The following CLSTN1 variants were observed in gnomAD, a reference collection of about 807,000 sequenced individuals.
The protein encoded by CLSTN1 is calsyntenin 1.
In CLSTN1, 28 loss-of-function variants were observed where a neutral mutation model predicts 108.3. That is an observed-to-expected ratio of 0.26 (90% CI 0.19 to 0.35). The LOEUF is 0.35. Ranked by LOEUF, CLSTN1 falls within the 10% of genes least tolerant of loss-of-function variation. The probability of loss-of-function intolerance (pLI) is 1.00; values close to 1 mark genes in which losing one functional copy is unlikely to be tolerated. For missense variants in CLSTN1, 1,157 were observed against 1,302.6 expected, an observed-to-expected ratio of 0.89 and a Z score of 1.72; for synonymous variants, 524 against 534.9, an observed-to-expected ratio of 0.98 and a Z score of 0.28.
rs992221014 is a variant in CLSTN1, at chr1:9,803,459, T to A, written c.91+20184A>T. Among the ~76,000 whole-genome samples, 6 of 152,184 alleles carry A rather than the reference T, an allele frequency of 3.9e-5. 1 individual carries two copies. Among genetic ancestry groups the A allele is most frequent in the Non-Finnish European group, 8.8e-5 (6 of 68,028 alleles). On this transcript the variant is annotated intron_variant, in intron 1 of 18. Coordinates refer to ENST00000377298, the MANE Select transcript of CLSTN1 (RefSeq NM_001009566.3). Reference sequence around the variant, plus strand: ...TGAGAAAAGCTGAAAAGATTTTTCATAAAAATAAAGCAAACAGTAGCACAA... The same window carrying A: ...TGAGAAAAGCTGAAAAGATTTTTCAAAAAAATAAAGCAAACAGTAGCACAA...
intron 1 of CLSTN1, among the ~76,000 whole-genome samples, chr1:9,784,706 T>C (rs1436806870): frequency 1.3e-5 from 2 of 152,226 alleles, no homozygotes; most frequent in Non-Finnish European, 2.9e-5. Context: ...CATAAGAACC[T>C]GCAATTAAGG....
At chr1:9,777,479 C>T (rs536807779) in intron 1 of CLSTN1, among the ~76,000 whole-genome samples, 62 of 146,332 alleles carry the variant, frequency 4.2e-4, no homozygotes, top group Non-Finnish European at 8.5e-4. Context: ...GCCAAGATCT[C>T]GCCACTGCAC....
intron 4 of CLSTN1, 59 bp downstream of exon 4, chr1:9,755,055 G>T: frequency 6.8e-7 from 1 of 1,468,852 alleles, no homozygotes; most frequent in Non-Finnish European, 9.3e-7. Flanking sequence ...TACTATTTTC[G>T]TTCTGCGCAC....
intron 2 of CLSTN1, among the ~76,000 whole-genome samples, chr1:9,771,895 C>T (rs1652701995): frequency 6.6e-6 from 1 of 151,866 alleles, no homozygotes; most frequent in African/African-American, 2.4e-5. Flanking sequence ...TGTTTATTTC[C>T]TTCAACTTAC....
rs768426816 is a variant in CLSTN1 at position 9,731,882 on chromosome 1, G to A, written c.2442C>T (p.His814=). The A allele has an allele frequency of 4.3e-6, 7 of 1,614,066 alleles. No individual in the cohort carries two copies. Among genetic ancestry groups the A allele is most frequent in the South Asian group, 1.1e-5 (1 of 91,088 alleles). The change falls in exon 17 of 19, where the codon CAC becomes CAT. Residue 814 remains histidine (H), a synonymous_variant. Transcript: ENST00000377298. ...NEFKVEVNVI[H]TANPMEHANH... ...TGGCGTGTTCCATGGGGTTGGCCGT[G>A]TGGATTACATTCACCTATAGCAGAG... is the stretch of plus-strand genomic sequence containing the variant.
chr1:9,822,893 G>C (rs1157793651), intron 1 of CLSTN1, among the ~76,000 whole-genome samples: 1 of 152,170 alleles, frequency 6.6e-6, no homozygotes, highest in African/African-American at 2.4e-5. Context: ...ATGACCGTCA[G>C]AAAAACAGCA....
Position 9,731,283 on chromosome 1 carries a change from G to C in CLSTN1, c.2671C>G (p.Arg891Gly). Residue 891 changes from arginine to glycine, a missense_variant, in exon 18 of 19, where the codon CGG becomes GGG. Coordinates refer to ENST00000377298, the MANE Select transcript of CLSTN1 (RefSeq NM_001009566.3). ...RIRAAHRRTM[R>G]DQDTGKENEM... ...TTCTCCTTCCCGGTGTCCTGATCCC[G>C]CATGGTCCGCCGATGTGCGGCCCGG... 19 of 1,614,232 alleles carry C rather than the reference G, an allele frequency of 1.2e-5. No individual in the cohort carries two copies. Among genetic ancestry groups the C allele is most frequent in the Non-Finnish European group, 1.6e-5 (19 of 1,180,050 alleles).
intron 2 of CLSTN1, among the ~76,000 whole-genome samples, chr1:9,768,467 C>A (rs1386446503): frequency 1.9e-5 from 1 of 51,750 alleles, no homozygotes; most frequent in Non-Finnish European, 3.6e-5. Context: ...CTGTGTTGAG[C>A]GGCACAATGG....
chr1:9,738,280 C>A (rs1206710607), intron 10 of CLSTN1, among the ~76,000 whole-genome samples: 2 of 152,188 alleles, frequency 1.3e-5, no homozygotes, highest in African/African-American at 4.8e-5. Flanking sequence ...CAGAAAGGCA[C>A]ACACACAGCG....
chr1:9,745,249 A>G (rs1651201201), intron 7 of CLSTN1, among the ~76,000 whole-genome samples: 1 of 152,024 alleles, frequency 6.6e-6, no homozygotes, highest in Non-Finnish European at 1.5e-5. Context: ...AAAAAAAACA[A>G]AAAGGAAGGG....
At position 9,749,591 on chromosome 1, in the gene CLSTN1, T is replaced by C. The variant is rs200454000; in HGVS notation, c.855A>G (p.Pro285=). 1.2e-6 allele frequency: 2 copies of C among 1,614,114 alleles called. No homozygotes were observed. The highest frequency in any genetic ancestry group is 1.3e-5 in the African/African-American group (1 of 74,930). The change falls in exon 7 of 19, where the codon CCA becomes CCG. Residue 285 remains proline, a synonymous_variant. Transcript: ENST00000377298. The part of the protein sequence containing the change: ...EPGTGALAVF[P]NIHLETCDEP... ...CGTCACATGTCTCCAGGTGGATATT[T>C]GGAAAGACGGCCAACGCGCCGGTGC...
At position 9,779,054 on chromosome 1, in the gene CLSTN1, G is replaced by A. The variant is rs1048777957; in HGVS notation, c.92-5660C>T. Among the ~76,000 whole-genome samples the A allele has an allele frequency of 4.0e-5, 6 of 151,436 alleles. 1 individual carries two copies. In the South Asian group the frequency reaches 1.3e-3, roughly 32 times the overall value. ...AAAAAAAAAAGAAGAAGAAGAAGAA[G>A]AAGGCTGGCTATGGTACGGCACCTT... On this transcript the variant is annotated intron_variant, in intron 1 of 18. Transcript: ENST00000377298.
Position 9,730,537 on chromosome 1 carries a change from C to T in CLSTN1, c.2917G>A (p.Glu973Lys). The T allele has an allele frequency of 6.2e-7, 1 of 1,606,516 alleles. No homozygotes were observed. Among genetic ancestry groups the T allele is most frequent in the Non-Finnish European group, 8.5e-7 (1 of 1,179,980 alleles). ...PQNATRQQQL[E>K]WDDSTLSY Reference sequence around the variant, plus strand: ...TAGCTGAGGGTGGAGTCATCCCACTCCAGCTGCTGCTGCCGGGTTGCGTTC... The same window carrying T: ...TAGCTGAGGGTGGAGTCATCCCACTTCAGCTGCTGCTGCCGGGTTGCGTTC... The change falls in exon 19 of 19, where the codon GAG becomes AAG. Residue 973 changes from glutamate (E) to lysine (K), a missense_variant. By Grantham distance (56) the Glu-to-Lys change is moderately conservative (BLOSUM62 1). Coordinates refer to ENST00000377298, the MANE Select transcript of CLSTN1 (RefSeq NM_001009566.3). The surrounding 1 kb of genome is among the most constrained non-coding windows in gnomAD (Gnocchi z 5.6).
chr1:9,795,550 T>A (rs1330434753), intron 1 of CLSTN1, among the ~76,000 whole-genome samples: 1 of 151,434 alleles, frequency 6.6e-6, no homozygotes, highest in Non-Finnish European at 1.5e-5. Context: ...ATGTTTATTT[T>A]TATTAAAAAG....
chr1:9,802,620 A>C (rs1251647956), intron 1 of CLSTN1, among the ~76,000 whole-genome samples: 1 of 152,100 alleles, frequency 6.6e-6, no homozygotes, highest in African/African-American at 2.4e-5. Flanking sequence ...TATTATAGGG[A>C]AACAGGGTTA....
At chr1:9,804,176 C>T (rs959146399) in intron 1 of CLSTN1, among the ~76,000 whole-genome samples, 3 of 151,846 alleles carry the variant, frequency 2.0e-5, no homozygotes, top group African/African-American at 7.3e-5. Flanking sequence ...GCCTGGCCAA[C>T]ATGGTGAAAC....
intron 1 of CLSTN1, among the ~76,000 whole-genome samples, chr1:9,806,595 C>T (rs139611247): frequency 6.6e-5 from 10 of 151,922 alleles, no homozygotes; most frequent in Non-Finnish European, 1.5e-4. Context: ...AAAATAGACA[C>T]GAGGCCGGGC....
intron 7 of CLSTN1, among the ~76,000 whole-genome samples, chr1:9,748,225 A>G (rs1167267218): frequency 6.6e-6 from 1 of 152,158 alleles, no homozygotes; most frequent in Non-Finnish European, 1.5e-5. Context: ...TCACCAGTCA[A>G]CTAAATGTTC....
intron 1 of CLSTN1, among the ~76,000 whole-genome samples, chr1:9,793,164 C>T (rs1193542348): frequency 6.6e-6 from 1 of 151,288 alleles, no homozygotes; most frequent in African/African-American, 2.4e-5. Context: ...AAGCACGCGC[C>T]ACCACACCCA....
Sources: allele counts gnomAD v4.1 joint callset (sites outside exome capture counted in the v4.1 genomes callset), GRCh38; gene constraint gnomAD v4.1.1; non-coding constraint Gnocchi (gnomAD v3.1); transcripts MANE v1.5; gene names NCBI Gene and HGNC (gene_info 2026-07-23, HGNC 2026-07-21).